Variants in LGSN observed in about 807,000 individuals in gnomAD.
LGSN encodes lengsin, lens protein with glutamine synthetase domain.
Under a neutral mutation model 19.5 loss-of-function variants are expected in LGSN, and 21 were observed. That is an observed-to-expected ratio of 1.07 (90% CI 0.76 to 1.55). The LOEUF is 1.55. Among genes scored for constraint, LGSN ranks in the 40% most tolerant of loss-of-function variants. LGSN has a pLI of 0.00. For missense variants in LGSN, 673 were observed against 608.5 expected (o/e 1.11, Z -1.12); for synonymous variants, 257 against 215.6 (o/e 1.19, Z -1.68).
At chr6:63,455,860 A>T in the LGSN span, among the ~76,000 whole-genome samples, 2 of 152,266 alleles carry the variant, frequency 1.3e-5, no homozygotes, top group Middle Eastern at 6.8e-3. Context: ...GGATCACTAG[A>T]GCCCAGGAGT....
At chr6:63,347,772 T>C in the LGSN span, among the ~76,000 whole-genome samples, 3 of 152,204 alleles carry the variant, frequency 2.0e-5, no homozygotes, top group Non-Finnish European at 4.4e-5. Flanking sequence ...AGTGAAAACA[T>C]GTAAGCTGAA....
At chr6:63,427,971 T>C in the LGSN span, among the ~76,000 whole-genome samples, 2 of 152,124 alleles carry the variant, frequency 1.3e-5, no homozygotes, top group African/African-American at 4.8e-5. Context: ...TTCAAAAAAA[T>C]AACACAATAA....
chr6:63,544,586 G>A, the LGSN span, among the ~76,000 whole-genome samples: 2 of 152,080 alleles, frequency 1.3e-5, no homozygotes, highest in African/African-American at 4.8e-5. Context: ...ACTGGCTAGA[G>A]TGGTCATGTC....
chr6:63,294,819 C>T, intron 2 of LGSN, 94 bp downstream of exon 2: 1 of 1,293,166 alleles, frequency 7.7e-7, no homozygotes, highest in Non-Finnish European at 1.1e-6. Context: ...TTTGCTTCTC[C>T]CAAAAAAGAA....
chr6:63,441,308 A>C, the LGSN span: 1 of 464,476 alleles, frequency 2.2e-6, no homozygotes, highest in Non-Finnish European at 4.3e-6. Flanking sequence ...ACCCACCAGC[A>C]GACTTGGGCC....
the LGSN span, among the ~76,000 whole-genome samples, chr6:63,417,833 C>A: frequency 2.0e-5 from 3 of 152,166 alleles, no homozygotes; most frequent in African/African-American, 4.8e-5. Flanking sequence ...GTGACTATAA[C>A]TTGATGCTAC....
chr6:63,404,864 T>C, the LGSN span, among the ~76,000 whole-genome samples: 1 of 152,038 alleles, frequency 6.6e-6, no homozygotes, highest in Non-Finnish European at 1.5e-5. Flanking sequence ...TGCAGGTTAG[T>C]TACATATGTA....
chr6:63,387,717 T>G, the LGSN span, among the ~76,000 whole-genome samples: 1 of 152,096 alleles, frequency 6.6e-6, no homozygotes, highest in African/African-American at 2.4e-5. Flanking sequence ...TTTTTTTTTT[T>G]GAGCCAGGGT....
intron 1 of LGSN, among the ~76,000 whole-genome samples, chr6:63,317,232 G>T (rs142923739): frequency 2.0e-4 from 30 of 152,206 alleles, no homozygotes; most frequent in Middle Eastern, 3.4e-3. Context: ...TCACTATATT[G>T]TAAGCACAGT....
the LGSN span, among the ~76,000 whole-genome samples, chr6:63,378,582 G>T: frequency 6.6e-6 from 1 of 152,232 alleles, no homozygotes; most frequent in Admixed American, 6.5e-5. Flanking sequence ...CACCAGCATT[G>T]GCTTCAGGCC....
the LGSN span, among the ~76,000 whole-genome samples, chr6:63,445,246 G>C: frequency 6.6e-6 from 1 of 152,144 alleles, no homozygotes; most frequent in East Asian, 1.9e-4. Context: ...GGGAGGTAGA[G>C]GTTGCAATGA....
the LGSN span, among the ~76,000 whole-genome samples, chr6:63,403,986 C>T: frequency 6.6e-6 from 1 of 151,932 alleles, no homozygotes; most frequent in Non-Finnish European, 1.5e-5. Context: ...CTCTCCATTG[C>T]TGGCTTTTAA....
chr6:63,539,779 AAT>A, the LGSN span, among the ~76,000 whole-genome samples: 4 of 152,136 alleles, frequency 2.6e-5, no homozygotes, highest in African/African-American at 7.2e-5. Context: ...AAAAAAAAAA[AAT>A]TGGCAAAGGA....
the LGSN span, among the ~76,000 whole-genome samples, chr6:63,433,113 CCCATGTATAAGCCTGT>C: frequency 6.6e-6 from 1 of 151,956 alleles, no homozygotes; most frequent in African/African-American, 2.4e-5. Context: ...TCCAAACACC[CCCATGTATAAGCCTGT>C]CCATCTGGCT....
chr6:63,458,569 C>A, the LGSN span, among the ~76,000 whole-genome samples: 1 of 152,090 alleles, frequency 6.6e-6, no homozygotes, highest in African/African-American at 2.4e-5. Context: ...CTGAAGATCT[C>A]GGTCCTAGGA....
intron 2 of LGSN, among the ~76,000 whole-genome samples, chr6:63,286,441 A>G (rs573827248): frequency 5.3e-4 from 81 of 152,336 alleles, no homozygotes; most frequent in African/African-American, 1.8e-3. Context: ...GAGACTTTTA[A>G]GATAGTTTGA....
At chr6:63,471,638 C>A in the LGSN span, among the ~76,000 whole-genome samples, 1 of 150,222 alleles carries the variant, frequency 6.7e-6, no homozygotes, top group Non-Finnish European at 1.5e-5. Flanking sequence ...TGCACTCCAG[C>A]CTGGGTGACA....
At chr6:63,410,018 A>G in the LGSN span, among the ~76,000 whole-genome samples, 1 of 152,122 alleles carries the variant, frequency 6.6e-6, no homozygotes, top group South Asian at 2.1e-4. Context: ...GCCTGGGCAA[A>G]AGAGCAAGAC....
Position 63,281,187 on chromosome 6 carries a change from C to T in LGSN, c.364G>A (p.Gly122Ser). 6.2e-7 allele frequency: 1 copy of T among 1,605,236 alleles called. No individual in the cohort carries two copies. The highest frequency in any genetic ancestry group is 8.5e-7 in the Non-Finnish European group (1 of 1,175,706). Reference sequence around the variant, plus strand: ...GGATTTGGTATCACTTCAAGATAACCTCGGGGCATGCAAACACCATGGCTC... The same window carrying T: ...GGATTTGGTATCACTTCAAGATAACTTCGGGGCATGCAAACACCATGGCTC... ...KVSHGVCMPR[G>S]YLEVIPNPKD... is the part of the protein sequence containing the mutation. The change falls in exon 4 of 4, where the codon GGT (glycine) becomes AGT (serine). Residue 122 changes from glycine to serine, a missense_variant. By Grantham distance (56) the Gly-to-Ser change is moderately conservative (BLOSUM62 0). Coordinates refer to ENST00000370657, the MANE Select transcript of LGSN (RefSeq NM_016571.3).
Sources: allele counts gnomAD v4.1 joint callset (sites outside exome capture counted in the v4.1 genomes callset), GRCh38; gene constraint gnomAD v4.1.1; transcripts MANE v1.5; gene names NCBI Gene and HGNC (gene_info 2026-07-23, HGNC 2026-07-21).